GTF2F2: variants seen among roughly 807,000 people sequenced by gnomAD.
GTF2F2 encodes the protein ATP-dependent helicase GTF2F2.
In GTF2F2, 23 loss-of-function variants were observed where a neutral mutation model predicts 42.2. The ratio of observed to expected loss-of-function variants is 0.55; its 90% CI spans 0.39 to 0.77. The LOEUF is 0.77. Among genes scored for constraint, GTF2F2 ranks in the 30% least tolerant of loss-of-function variants. The pLI is 0.00. For synonymous variants in GTF2F2, 105 were observed against 100.8 expected (o/e 1.04, Z -0.25); for missense variants, 261 against 287.2 (o/e 0.91, Z 0.66).
intron 5 of GTF2F2, among the ~76,000 whole-genome samples, chr13:45,210,402 C>T (rs116651450): frequency 9.5e-4 from 144 of 152,126 alleles, no homozygotes; most frequent in African/African-American, 3.3e-3. Context: ...CATGGCTTGC[C>T]GCCTCACCCC....
chr13:45,270,806 ATCTG>A (rs912418522), intron 7 of GTF2F2, among the ~76,000 whole-genome samples: 2 of 152,126 alleles, frequency 1.3e-5, no homozygotes, highest in African/African-American at 4.8e-5. Context: ...TTCATATTTT[ATCTG>A]TCAAATAGAA....
At chr13:45,240,277 T>C (rs2079517651) in intron 5 of GTF2F2, among the ~76,000 whole-genome samples, 1 of 152,084 alleles carries the variant, frequency 6.6e-6, no homozygotes, top group Non-Finnish European at 1.5e-5. Context: ...GTAGTCTTGA[T>C]GCCAGTGGTT....
At chr13:45,229,242 GCTT>G (rs1874543044) in intron 5 of GTF2F2, among the ~76,000 whole-genome samples, 1 of 151,934 alleles carries the variant, frequency 6.6e-6, no homozygotes, top group Non-Finnish European at 1.5e-5. Context: ...CTCTTCTTGA[GCTT>G]CTGTGGATTG....
At chr13:45,269,242 C>G (rs1197563787) in intron 7 of GTF2F2, among the ~76,000 whole-genome samples, 1 of 152,140 alleles carries the variant, frequency 6.6e-6, no homozygotes, top group Admixed American at 6.5e-5. Context: ...CAGCAAATAT[C>G]TCATGAATTG....
chr13:45,148,660 A>G (rs1870326054), intron 2 of GTF2F2, among the ~76,000 whole-genome samples: 1 of 152,144 alleles, frequency 6.6e-6, no homozygotes, highest in Non-Finnish European at 1.5e-5. Context: ...ATCTTATTTT[A>G]TAGTTTATGG....
intron 7 of GTF2F2, among the ~76,000 whole-genome samples, chr13:45,281,475 G>A (rs904860256): frequency 6.6e-6 from 1 of 152,228 alleles, no homozygotes; most frequent in Admixed American, 6.5e-5. Flanking sequence ...CTCAGAGAAC[G>A]AAGCAACACA....
intron 4 of GTF2F2, among the ~76,000 whole-genome samples, chr13:45,182,986 T>C (rs957130494): frequency 1.3e-5 from 2 of 152,132 alleles, no homozygotes; most frequent in African/African-American, 4.8e-5. Context: ...AACTAGGTCT[T>C]GGCCTAGACT....
At chr13:45,138,680 C>T (rs1486539108) in intron 2 of GTF2F2, among the ~76,000 whole-genome samples, 1 of 152,224 alleles carries the variant, frequency 6.6e-6, no homozygotes, top group Admixed American at 6.5e-5. Context: ...ATGTCTCACT[C>T]TGTTGCCCTT....
At chr13:45,139,048 G>A (rs570756887) in intron 2 of GTF2F2, among the ~76,000 whole-genome samples, 3 of 152,198 alleles carry the variant, frequency 2.0e-5, no homozygotes, top group Admixed American at 6.5e-5. Context: ...CCATCTCAGC[G>A]CATGTTAAAG....
At chr13:45,147,263 AC>A (rs1447885143) in intron 2 of GTF2F2, among the ~76,000 whole-genome samples, 1 of 152,112 alleles carries the variant, frequency 6.6e-6, no homozygotes, top group Non-Finnish European at 1.5e-5. Flanking sequence ...CTTACGTTCT[AC>A]CACTAGCTGC....
At chr13:45,279,543 T>A (rs1022714497) in intron 7 of GTF2F2, among the ~76,000 whole-genome samples, 2 of 152,192 alleles carry the variant, frequency 1.3e-5, no homozygotes, top group African/African-American at 4.8e-5. Flanking sequence ...GCTGCCTTGT[T>A]AGTCTTAAGC....
rs190021191 is a variant in GTF2F2 at position 45,175,633 on chromosome 13, T to G, written c.304+23802T>G. On this transcript the variant is annotated intron_variant, in intron 4 of 7. Coordinates refer to ENST00000340473, the MANE Select transcript of GTF2F2 (RefSeq NM_004128.3). Reference sequence around the variant, plus strand: ...TGGATTTGCCTGATTCTTTTTCTCTTTTTTTTGAGATGAAGGTTCGCTCTT... The same window carrying G: ...TGGATTTGCCTGATTCTTTTTCTCTGTTTTTTGAGATGAAGGTTCGCTCTT... 2.2e-3 allele frequency among the ~76,000 whole-genome samples: 332 copies of G among 152,312 alleles called. 1 individual carries two copies. The highest frequency in any genetic ancestry group is 7.7e-3 in the African/African-American group (320 of 41,578).
intron 5 of GTF2F2, among the ~76,000 whole-genome samples, chr13:45,245,105 G>A (rs914709965): frequency 2.0e-5 from 3 of 152,068 alleles, no homozygotes; most frequent in Non-Finnish European, 4.4e-5. Flanking sequence ...ATAGAAGGTG[G>A]TAATTTTTCT....
rs547913311 is a variant in GTF2F2, at chr13:45,130,777, T to C, written c.67-5956T>C. Among the ~76,000 whole-genome samples the C allele has an allele frequency of 9.7e-4, 147 of 152,252 alleles. 1 individual carries two copies. Among genetic ancestry groups the C allele is most frequent in the African/African-American group, 3.0e-3 (126 of 41,558 alleles). Reference sequence around the variant, plus strand: ...GGAGCAAGGTTTATGAGGGAGAAATTAGTTCTAGTATGGAGATTTTAAGTT... The same window carrying C: ...GGAGCAAGGTTTATGAGGGAGAAATCAGTTCTAGTATGGAGATTTTAAGTT... On this transcript the variant is annotated intron_variant, in intron 1 of 7. Coordinates refer to ENST00000340473, the MANE Select transcript of GTF2F2 (RefSeq NM_004128.3).
chr13:45,178,655 A>G (rs1452376581), intron 4 of GTF2F2, among the ~76,000 whole-genome samples: 1 of 151,986 alleles, frequency 6.6e-6, no homozygotes, highest in Non-Finnish European at 1.5e-5. Flanking sequence ...TTTACCAAAC[A>G]TGTGACTTTA....
At chr13:45,229,092 A>G (rs1874533682) in intron 5 of GTF2F2, among the ~76,000 whole-genome samples, 1 of 152,160 alleles carries the variant, frequency 6.6e-6, no homozygotes, top group South Asian at 2.1e-4. Flanking sequence ...CATGTTGGCC[A>G]GGCTGGTCTT....
rs530051702 is a variant in GTF2F2, at chr13:45,181,864, G to A, written c.305-25560G>A. The stretch of plus-strand genomic sequence containing the variant: ...TAGCTTAAGTGTACAAAAAGCTAGC[G>A]GTAGCTTTTCTTGATGCTTCTATTG... On this transcript the variant is annotated intron_variant, in intron 4 of 7. Coordinates refer to ENST00000340473, the MANE Select transcript of GTF2F2 (RefSeq NM_004128.3). Among the ~76,000 whole-genome samples the A allele has an allele frequency of 5.3e-5, 8 of 152,134 alleles. No individual in the cohort carries two copies. In the South Asian group the frequency reaches 6.2e-4, roughly 12 times the overall value.
At chr13:45,253,795 G>C (rs143560895) in intron 6 of GTF2F2, among the ~76,000 whole-genome samples, 23 of 152,206 alleles carry the variant, frequency 1.5e-4, no homozygotes, top group African/African-American at 5.5e-4. Flanking sequence ...GAAAGAAGAG[G>C]CTGGGCGCGG....
intron 4 of GTF2F2, among the ~76,000 whole-genome samples, chr13:45,175,120 C>A (rs1871809660): frequency 6.6e-6 from 1 of 152,190 alleles, no homozygotes; most frequent in Non-Finnish European, 1.5e-5. Flanking sequence ...TTTCCAGCCT[C>A]TAGTAATCAC....
Sources: allele counts gnomAD v4.1 joint callset (sites outside exome capture counted in the v4.1 genomes callset), GRCh38; gene constraint gnomAD v4.1.1; transcripts MANE v1.5; gene names NCBI Gene and HGNC (gene_info 2026-07-23, HGNC 2026-07-21).